The following ABHD17C variants were observed in gnomAD, a reference collection of about 807,000 sequenced individuals.
The protein encoded by ABHD17C is alpha/beta hydrolase domain-containing protein 17C.
Under a neutral mutation model 27.9 loss-of-function variants are expected in ABHD17C, and 11 were observed. The observed-to-expected ratio is 0.39, with a 90% CI of 0.25 to 0.65. The LOEUF (loss-of-function observed/expected upper bound fraction) is 0.65. Among genes scored for constraint, ABHD17C ranks in the 30% least tolerant of loss-of-function variants. The pLI, the probability that ABHD17C is intolerant of heterozygous loss-of-function variation, is 0.45. For missense variants in ABHD17C, 280 were observed against 470.2 expected, an observed-to-expected ratio of 0.60 and a Z score of 3.74; for synonymous variants, 233 against 209.1, an observed-to-expected ratio of 1.11 and a Z score of -0.98.
At chr15:80,749,444 G>T in intron 1 of ABHD17C, 69 bp from the exon 2 acceptor site, 2 of 1,514,672 alleles carry the variant, frequency 1.3e-6, no homozygotes, top group Non-Finnish European at 1.8e-6. Context: ...TTTAAGAGGC[G>T]GGTTTCTCTG....
At chr15:80,699,331 A>G (rs1316938903) in intron 1 of ABHD17C, among the ~76,000 whole-genome samples, 2 of 152,192 alleles carry the variant, frequency 1.3e-5, no homozygotes, top group Non-Finnish European at 2.9e-5. Context: ...TAAGTGGGGT[A>G]AAGTTAATTT....
intron 2 of ABHD17C, among the ~76,000 whole-genome samples, chr15:80,753,487 A>C (rs1895391186): frequency 6.6e-6 from 1 of 152,226 alleles, no homozygotes; most frequent in Admixed American, 6.5e-5. Flanking sequence ...ACCTTACAGG[A>C]AATGGGTCAG....
At chr15:80,737,687 G>A (rs1048629182) in intron 1 of ABHD17C, among the ~76,000 whole-genome samples, 5 of 152,180 alleles carry the variant, frequency 3.3e-5, no homozygotes, top group African/African-American at 9.7e-5. Context: ...CTGTAGACTG[G>A]AGGAGTCAAG....
At chr15:80,730,527 G>A (rs554305580) in intron 1 of ABHD17C, among the ~76,000 whole-genome samples, 2 of 152,352 alleles carry the variant, frequency 1.3e-5, no homozygotes, top group African/African-American at 4.8e-5. Flanking sequence ...GACGTTGTTG[G>A]CATGCAGCTT....
intron 1 of ABHD17C, among the ~76,000 whole-genome samples, chr15:80,724,620 T>A (rs1034425687): frequency 6.6e-6 from 1 of 152,220 alleles, no homozygotes; most frequent in Non-Finnish European, 1.5e-5. Flanking sequence ...AAATAAGGTT[T>A]AGAAATGCCT....
At chr15:80,729,444 G>A (rs181944289) in intron 1 of ABHD17C, among the ~76,000 whole-genome samples, 29 of 152,162 alleles carry the variant, frequency 1.9e-4, no homozygotes, top group Non-Finnish European at 3.1e-4. Flanking sequence ...GTAGAAAAGG[G>A]TGAAAAACAA....
chr15:80,735,964 T>A (rs1241018742), intron 1 of ABHD17C, among the ~76,000 whole-genome samples: 1 of 152,186 alleles, frequency 6.6e-6, no homozygotes, highest in Non-Finnish European at 1.5e-5. Context: ...ATTTGGTATG[T>A]TTTCTTTTAT....
chr15:80,748,097 G>T (rs1291197839), intron 1 of ABHD17C, among the ~76,000 whole-genome samples: 1 of 152,156 alleles, frequency 6.6e-6, no homozygotes, highest in East Asian at 1.9e-4. Context: ...CACAGCCCAG[G>T]TGTGGTGCTC....
Position 80,695,549 on chromosome 15 carries a change from C to T in ABHD17C, c.120C>T (p.Pro40=). 1 of 1,340,964 alleles carries T rather than the reference C, an allele frequency of 7.5e-7. No individual in the cohort carries two copies. The highest frequency in any genetic ancestry group is 9.7e-7 in the Non-Finnish European group (1 of 1,030,894). 83.1% of individuals were successfully genotyped at this position (1,340,964 alleles called of 1,614,324 possible). The part of the protein sequence containing the change: ...AAKLAFLPPE[P]TYTVLAPEQR... ...AGCTGGCCTTCCTGCCGCCCGAGCCCACCTACACGGTGCTGGCGCCGGAGC... is the reference window on the plus strand; with the variant it reads ...AGCTGGCCTTCCTGCCGCCCGAGCCTACCTACACGGTGCTGGCGCCGGAGC... Residue 40 remains proline (P), a synonymous_variant, in exon 1 of 3, where the codon CCC becomes CCT. Coordinates refer to ENST00000258884, the MANE Select transcript of ABHD17C (RefSeq NM_021214.2). The surrounding 1 kb of genome is among the most constrained non-coding windows in gnomAD (Gnocchi z 4.3).
At chr15:80,698,359 T>C (rs893413243) in intron 1 of ABHD17C, among the ~76,000 whole-genome samples, 1 of 152,136 alleles carries the variant, frequency 6.6e-6, no homozygotes, top group Non-Finnish European at 1.5e-5. Flanking sequence ...CCACCGCGCC[T>C]GGCCTATTTC....
chr15:80,713,709 T>A (rs1040660304), intron 1 of ABHD17C, among the ~76,000 whole-genome samples: 1 of 151,918 alleles, frequency 6.6e-6, no homozygotes, highest in Admixed American at 6.6e-5. Context: ...CTCGGGAGGC[T>A]GAGGCACGAG....
intron 1 of ABHD17C, among the ~76,000 whole-genome samples, chr15:80,699,424 A>C (rs1894541428): frequency 6.6e-6 from 1 of 152,208 alleles, no homozygotes; most frequent in African/African-American, 2.4e-5. Flanking sequence ...ATAGACAAAA[A>C]AAAAAGGGCC....
intron 1 of ABHD17C, among the ~76,000 whole-genome samples, chr15:80,726,574 A>T (rs1257349765): frequency 3.6e-5 from 4 of 112,518 alleles, no homozygotes; most frequent in Non-Finnish European, 6.3e-5. Context: ...GGCGGTGGCG[A>T]GATCTTGGCT....
intron 1 of ABHD17C, among the ~76,000 whole-genome samples, chr15:80,709,985 G>T (rs1894708376): frequency 6.6e-6 from 1 of 152,314 alleles, no homozygotes; most frequent in Non-Finnish European, 1.5e-5. Context: ...TAATGAGTAT[G>T]TGAATGATAG....
intron 1 of ABHD17C, among the ~76,000 whole-genome samples, chr15:80,728,331 C>T (rs1895011661): frequency 6.6e-6 from 1 of 152,184 alleles, no homozygotes; most frequent in Admixed American, 6.5e-5. Flanking sequence ...GTACAGGGGC[C>T]TTCTAAGAGC....
chr15:80,747,324 A>C (rs576283129), intron 1 of ABHD17C, among the ~76,000 whole-genome samples: 506 of 152,078 alleles, frequency 3.3e-3, no homozygotes, highest in Non-Finnish European at 5.1e-3. Flanking sequence ...GAGACCCCTG[A>C]TGTTATTTAT....
In ABHD17C at chr15:80,754,571, AAC is replaced by A. The variant is rs1341075513; in HGVS notation, c.*203_*204del. The stretch of plus-strand genomic sequence containing the variant: ...CTAATTCACACAACACGTTAAACTG[AAC>A]AGTCGTGATTCCCAGCTTCATTACC... On this transcript the variant is annotated 3_prime_UTR_variant, in exon 3 of 3. Coordinates refer to ENST00000258884, the MANE Select transcript of ABHD17C (RefSeq NM_021214.2). 1 of 559,544 alleles carries A rather than the reference AAC, an allele frequency of 1.8e-6. No individual in the cohort carries two copies. Among genetic ancestry groups the A allele is most frequent in the African/African-American group, 1.9e-5 (1 of 53,120 alleles). The allele number at this position is 559,544 out of a possible 1,614,324, so 34.7% of individuals were successfully genotyped here.
At chr15:80,728,110 G>T (rs1203297787) in intron 1 of ABHD17C, among the ~76,000 whole-genome samples, 1 of 152,166 alleles carries the variant, frequency 6.6e-6, no homozygotes, top group Non-Finnish European at 1.5e-5. Context: ...GGAGCTGGTG[G>T]CACCACCTTG....
At chr15:80,754,086 T>C in intron 2 of ABHD17C, 65 bp from the exon 3 acceptor site, 1 of 1,209,252 alleles carries the variant, frequency 8.3e-7, no homozygotes. Flanking sequence ...TTAAATGTGA[T>C]GTGTATTATC....
Sources: allele counts gnomAD v4.1 joint callset (sites outside exome capture counted in the v4.1 genomes callset), GRCh38; gene constraint gnomAD v4.1.1; non-coding constraint Gnocchi (gnomAD v3.1); transcripts MANE v1.5; gene names NCBI Gene and HGNC (gene_info 2026-07-23, HGNC 2026-07-21).